Variants in PARD3B observed in about 807,000 individuals in gnomAD.
The protein encoded by PARD3B is par-3 family cell polarity regulator beta.
Under a neutral mutation model 130.2 loss-of-function variants are expected in PARD3B, and 103 were observed. That is an observed-to-expected ratio of 0.79 (90% confidence interval 0.67 to 0.93). The LOEUF (loss-of-function observed/expected upper bound fraction) is 0.93, where lower values mean the gene tolerates loss of function less well. Among genes scored for constraint, PARD3B ranks in the 40% least tolerant of loss-of-function variants. The pLI, the probability that PARD3B is intolerant of heterozygous loss-of-function variation, is 0.00. For missense variants in PARD3B, 1,609 were observed against 1,499.2 expected (o/e 1.07, Z -1.21); for synonymous variants, 583 against 553.2 (o/e 1.05, Z -0.76).
chr2:205,161,404 A>C (rs545216906), intron 11 of PARD3B, among the ~76,000 whole-genome samples: 1 of 152,226 alleles, frequency 6.6e-6, no homozygotes, highest in Non-Finnish European at 1.5e-5. Flanking sequence ...AAGAGGCATC[A>C]GTCATGAACT....
rs541278440 is a variant in PARD3B, at chr2:205,397,384, T to A, written c.2631-3629T>A. On this transcript the variant is annotated intron_variant, in intron 18 of 22. Transcript: ENST00000406610. The surrounding 1 kb of genome is among the most constrained non-coding windows in gnomAD (Gnocchi z 4.8). Reference sequence around the variant, plus strand: ...TTTGACTGTTATTGGCAGTTCTTGCTAAGAAGAAAATACTTTGCAGAATTT... The same window carrying A: ...TTTGACTGTTATTGGCAGTTCTTGCAAAGAAGAAAATACTTTGCAGAATTT... Among the ~76,000 whole-genome samples the A allele has an allele frequency of 6.6e-6, 1 of 152,350 alleles. No individual in the cohort carries two copies. Among genetic ancestry groups the A allele is most frequent in the Non-Finnish European group, 1.5e-5 (1 of 68,030 alleles).
chr2:205,171,859 C>T (rs1343732631), intron 11 of PARD3B, among the ~76,000 whole-genome samples: 2 of 152,214 alleles, frequency 1.3e-5, no homozygotes, highest in African/African-American at 2.4e-5. Flanking sequence ...TTCCAAACCC[C>T]CTTCCCTTGA....
At position 204,625,278 on chromosome 2, in the gene PARD3B, C is replaced by G. The variant is rs138880790; in HGVS notation, c.121-60903C>G. ...TGGTGCCATGCCTGCATGCCCTCTG[C>G]TCTGTTAGAGATTCATGGGCAGAGG... On this transcript the variant is annotated intron_variant, in intron 1 of 22. Coordinates refer to ENST00000406610, the MANE Select transcript of PARD3B (RefSeq NM_001302769.2). Among the ~76,000 whole-genome samples the G allele has an allele frequency of 3.7e-3, 560 of 152,260 alleles. 2 individuals carry two copies. The highest frequency in any genetic ancestry group is 0.013 in the African/African-American group (544 of 41,546).
intron 2 of PARD3B, among the ~76,000 whole-genome samples, chr2:204,861,215 G>A (rs913121206): frequency 1.7e-4 from 11 of 65,842 alleles, no homozygotes; most frequent in African/African-American, 2.9e-4. Flanking sequence ...TCTCTCTCTC[G>A]TACCTCTTAT....
intron 18 of PARD3B, among the ~76,000 whole-genome samples, chr2:205,312,880 C>T (rs1031357233): frequency 6.6e-6 from 1 of 152,036 alleles, no homozygotes; most frequent in African/African-American, 2.4e-5. Flanking sequence ...CAGTGTTGAG[C>T]CTATAATGGA....
intron 13 of PARD3B, 85 bp from the exon 14 acceptor site, chr2:205,185,679 C>A: frequency 9.2e-7 from 1 of 1,081,986 alleles, no homozygotes; most frequent in Non-Finnish European, 1.4e-6. Flanking sequence ...GCTAAAACTG[C>A]GTCTGAGAGA....
At chr2:205,234,400 A>G (rs1379983119) in intron 15 of PARD3B, among the ~76,000 whole-genome samples, 1 of 152,258 alleles carries the variant, frequency 6.6e-6, no homozygotes, top group Middle Eastern at 3.2e-3. Flanking sequence ...TAGAATGGTC[A>G]CATTGATATC....
chr2:205,438,929 G>A (rs544186576), intron 19 of PARD3B, among the ~76,000 whole-genome samples: 1 of 152,064 alleles, frequency 6.6e-6, no homozygotes, highest in African/African-American at 2.4e-5. Context: ...TTTTGGTTTT[G>A]GTCTCATGCC....
At chr2:204,863,218 C>A (rs1381317646) in intron 2 of PARD3B, among the ~76,000 whole-genome samples, 1 of 152,176 alleles carries the variant, frequency 6.6e-6, no homozygotes, top group Non-Finnish European at 1.5e-5. Flanking sequence ...ACACATGAGG[C>A]CTTATTCATT....
intron 2 of PARD3B, among the ~76,000 whole-genome samples, chr2:204,897,227 G>A (rs1166110604): frequency 1.3e-5 from 2 of 152,040 alleles, no homozygotes. Flanking sequence ...TGGTATACTT[G>A]TGTCTTTATT....
intron 16 of PARD3B, among the ~76,000 whole-genome samples, chr2:205,285,732 T>C (rs2041370635): frequency 6.6e-6 from 1 of 152,182 alleles, no homozygotes; most frequent in Non-Finnish European, 1.5e-5. Context: ...AGAGTCATCA[T>C]TTTCTCCTCT....
chr2:204,863,330 C>A (rs1484032076), intron 2 of PARD3B, among the ~76,000 whole-genome samples: 1 of 152,152 alleles, frequency 6.6e-6, no homozygotes, highest in Non-Finnish European at 1.5e-5. Context: ...GGAGCGCCAT[C>A]CTTGCATCAC....
chr2:204,923,105 A>G (rs961343327), intron 2 of PARD3B, among the ~76,000 whole-genome samples: 1 of 152,056 alleles, frequency 6.6e-6, no homozygotes, highest in East Asian at 1.9e-4. Context: ...AGATTAGTTT[A>G]TATTTTATTA....
At chr2:205,286,584 G>C (rs1278215511) in intron 16 of PARD3B, among the ~76,000 whole-genome samples, 2 of 152,108 alleles carry the variant, frequency 1.3e-5, no homozygotes, top group Non-Finnish European at 2.9e-5. Context: ...CTAATTCACA[G>C]TTTGTCTGGA....
chr2:205,125,577 AT>A lies in PARD3B; in HGVS notation c.1306-30del. 1 of 1,609,464 alleles carries A rather than the reference AT, an allele frequency of 6.2e-7. No homozygotes were observed. The highest frequency in any genetic ancestry group is 8.5e-7 in the Non-Finnish European group (1 of 1,177,200). The stretch of plus-strand genomic sequence containing the variant: ...GTAGAAGGAGATAACAAGTATTGTG[AT>A]TGTGGCTGTTCATATGCTTTTATTC... On this transcript the variant is annotated intron_variant, in intron 9 of 22. Transcript: ENST00000406610. This position sits in a 1 kb window ranked among gnomAD's most constrained non-coding sequence, Gnocchi z 4.0.
At chr2:204,950,180 C>T (rs1306793032) in intron 2 of PARD3B, among the ~76,000 whole-genome samples, 1 of 152,132 alleles carries the variant, frequency 6.6e-6, no homozygotes, top group African/African-American at 2.4e-5. Flanking sequence ...ACTTACTGGT[C>T]ATGTAAACCT....
intron 10 of PARD3B, among the ~76,000 whole-genome samples, chr2:205,127,340 G>A (rs1442139417): frequency 2.0e-5 from 3 of 151,336 alleles, no homozygotes; most frequent in Non-Finnish European, 2.9e-5. Flanking sequence ...AATTCAGAAG[G>A]GATTTTGTAG....
At chr2:205,394,821 C>T in intron 18 of PARD3B, among the ~76,000 whole-genome samples, 1 of 152,090 alleles carries the variant, frequency 6.6e-6, no homozygotes, top group African/African-American at 2.4e-5. Context: ...AGTCAAATAG[C>T]AGTTACCAGG....
chr2:204,864,480 T>C (rs1342965725), intron 2 of PARD3B, among the ~76,000 whole-genome samples: 2 of 152,316 alleles, frequency 1.3e-5, no homozygotes, highest in African/African-American at 4.8e-5. Context: ...ACTAATGCAA[T>C]GGCTGTTTCT....
Sources: allele counts gnomAD v4.1 joint callset (sites outside exome capture counted in the v4.1 genomes callset), GRCh38; gene constraint gnomAD v4.1.1; non-coding constraint Gnocchi (gnomAD v3.1); transcripts MANE v1.5; gene names NCBI Gene and HGNC (gene_info 2026-07-23, HGNC 2026-07-21).